Variants in CNTN5 observed in about 807,000 individuals in gnomAD.
The protein encoded by CNTN5 is contactin-5.
A neutral mutation model predicts 129.1 loss-of-function variants in CNTN5; 77 were observed. The observed-to-expected ratio is 0.60, with a 90% CI of 0.50 to 0.72. The LOEUF (loss-of-function observed/expected upper bound fraction) is 0.72. Ranked by LOEUF, CNTN5 falls within the 30% of genes least tolerant of loss-of-function variation. The pLI, the probability that CNTN5 is intolerant of heterozygous loss-of-function variation, is 0.00. For synonymous variants in CNTN5, 509 were observed against 465.6 expected, an observed-to-expected ratio of 1.09 and a Z score of -1.20; for missense variants, 1,478 against 1,328.8, an observed-to-expected ratio of 1.11 and a Z score of -1.75.
At chr11:100,006,039 A>T (rs1276666750) in intron 9 of CNTN5, among the ~76,000 whole-genome samples, 1 of 152,194 alleles carries the variant, frequency 6.6e-6, no homozygotes, top group Non-Finnish European at 1.5e-5. Context: ...GAAGAAAGTC[A>T]CATGAATTTT....
At chr11:99,932,689 A>G (rs1950220066) in intron 7 of CNTN5, among the ~76,000 whole-genome samples, 2 of 152,168 alleles carry the variant, frequency 1.3e-5, no homozygotes, top group Non-Finnish European at 2.9e-5. Flanking sequence ...ATTTAATGAG[A>G]TGATATATGT....
At chr11:100,109,294 C>T (rs1945565302) in intron 13 of CNTN5, among the ~76,000 whole-genome samples, 1 of 152,108 alleles carries the variant, frequency 6.6e-6, no homozygotes, top group African/African-American at 2.4e-5. Flanking sequence ...GGCGTGTTGA[C>T]AGGCGCTTGT....
intron 1 of CNTN5, among the ~76,000 whole-genome samples, chr11:99,084,645 A>C (rs1010222747): frequency 6.6e-6 from 1 of 152,132 alleles, no homozygotes; most frequent in African/African-American, 2.4e-5. Context: ...AACTGAATTT[A>C]CCTTTTTCTT....
chr11:99,848,247 C>T (rs1458021673), intron 6 of CNTN5, among the ~76,000 whole-genome samples: 1 of 151,958 alleles, frequency 6.6e-6, no homozygotes, highest in Admixed American at 6.6e-5. Flanking sequence ...CGGTTGGCAA[C>T]TTTCCTTTAC....
At chr11:99,981,103 T>TATATATATATATAC (rs1014330113) in intron 8 of CNTN5, among the ~76,000 whole-genome samples, 7 of 54,508 alleles carry the variant, frequency 1.3e-4, no homozygotes, top group East Asian at 4.9e-4. Context: ...TATATATATA[T>TATATATATATATAC]ACACACACAC....
chr11:99,237,061 G>A (rs893418898), intron 1 of CNTN5, among the ~76,000 whole-genome samples: 6 of 151,222 alleles, frequency 4.0e-5, no homozygotes, highest in Admixed American at 3.3e-4. Context: ...TTGTTTATTT[G>A]TATGTTCTTT....
intron 3 of CNTN5, among the ~76,000 whole-genome samples, chr11:99,565,260 G>A (rs1948965883): frequency 6.6e-6 from 1 of 152,084 alleles, no homozygotes; most frequent in African/African-American, 2.4e-5. Flanking sequence ...CTGTGGAAGT[G>A]CCCTTATCTG....
chr11:99,742,375 T>C (rs908156746), intron 3 of CNTN5, among the ~76,000 whole-genome samples: 12 of 145,210 alleles, frequency 8.3e-5, no homozygotes, highest in African/African-American at 3.1e-4. Flanking sequence ...ACTTAACACG[T>C]AAGATTTTCT....
chr11:100,200,112 G>A lies in CNTN5; in HGVS notation c.1884+6449G>A, dbSNP rs898551292. ...TAGCACAGTTTGGAATTGAATGAAAGATGACTGCCTTGATGACACCTAAGA... is the reference window on the plus strand; with the variant it reads ...TAGCACAGTTTGGAATTGAATGAAAAATGACTGCCTTGATGACACCTAAGA... On this transcript the variant is annotated intron_variant, in intron 15 of 24. Coordinates refer to ENST00000524871, the MANE Select transcript of CNTN5 (RefSeq NM_014361.4). Among the ~76,000 whole-genome samples, 8 of 151,906 alleles carry A rather than the reference G, an allele frequency of 5.3e-5. No homozygotes were observed. In the East Asian group the frequency reaches 9.7e-4, roughly 18 times the overall value.
chr11:99,599,663 C>A (rs1291029063), intron 3 of CNTN5, among the ~76,000 whole-genome samples: 4 of 152,078 alleles, frequency 2.6e-5, no homozygotes, highest in African/African-American at 9.7e-5. Context: ...ATGTTCACAT[C>A]CAGACCAAAT....
intron 1 of CNTN5, among the ~76,000 whole-genome samples, chr11:99,130,913 T>C (rs1047783293): frequency 6.6e-6 from 1 of 151,886 alleles, no homozygotes; most frequent in Non-Finnish European, 1.5e-5. Flanking sequence ...TTGAGACCAA[T>C]GAGAACAAAG....
intron 3 of CNTN5, among the ~76,000 whole-genome samples, chr11:99,600,956 A>G (rs1950294310): frequency 6.6e-6 from 1 of 152,188 alleles, no homozygotes; most frequent in Non-Finnish European, 1.5e-5. Flanking sequence ...CAGCATTTAT[A>G]TCTACTGCAA....
intron 1 of CNTN5, among the ~76,000 whole-genome samples, chr11:99,299,787 T>C (rs368518039): frequency 2.6e-5 from 4 of 152,196 alleles, no homozygotes; most frequent in Non-Finnish European, 5.9e-5. Context: ...GTTTCACATT[T>C]TTTTAATCCA....
At chr11:99,421,228 C>G (rs1942875120) in intron 2 of CNTN5, among the ~76,000 whole-genome samples, 2 of 151,432 alleles carry the variant, frequency 1.3e-5, no homozygotes, top group Non-Finnish European at 2.9e-5. Context: ...GGGCGGACAA[C>G]ATACCTCAGA....
At chr11:99,745,273 T>A (rs1279341600) in intron 3 of CNTN5, among the ~76,000 whole-genome samples, 1 of 152,004 alleles carries the variant, frequency 6.6e-6, no homozygotes, top group African/African-American at 2.4e-5. Flanking sequence ...AAGAAAAAAA[T>A]AAAGCTTCAC....
intron 1 of CNTN5, among the ~76,000 whole-genome samples, chr11:99,023,510 C>T (rs1206432626): frequency 6.6e-6 from 1 of 151,624 alleles, no homozygotes; most frequent in African/African-American, 2.4e-5. Flanking sequence ...TACTTCTAGA[C>T]AAAATAAAGG....
At chr11:99,779,476 C>A (rs919935491) in intron 3 of CNTN5, among the ~76,000 whole-genome samples, 1 of 151,906 alleles carries the variant, frequency 6.6e-6, no homozygotes, top group Non-Finnish European at 1.5e-5. Context: ...ATATGTGATA[C>A]AAAATCTTGT....
At chr11:99,263,756 A>G (rs911336690) in intron 1 of CNTN5, among the ~76,000 whole-genome samples, 3 of 151,810 alleles carry the variant, frequency 2.0e-5, no homozygotes, top group Non-Finnish European at 4.4e-5. Context: ...AGCTGGGACA[A>G]CACAACAGGT....
At chr11:100,174,787 G>T (rs1196519780) in intron 13 of CNTN5, among the ~76,000 whole-genome samples, 2 of 152,128 alleles carry the variant, frequency 1.3e-5, no homozygotes, top group African/African-American at 2.4e-5. Flanking sequence ...AGTCTCTGCA[G>T]TTTCTTCATG....
Sources: gnomAD v4.1 joint callset for allele counts (sites outside exome capture counted in the v4.1 genomes callset) on GRCh38, gnomAD v4.1.1 for gene constraint, MANE v1.5 for transcripts, NCBI Gene and HGNC (gene_info 2026-07-23, HGNC 2026-07-21) for gene names.